Variants in ARMH3 observed in about 807,000 individuals in gnomAD.
The protein encoded by ARMH3 is armadillo-like helical domain-containing protein 3.
A neutral mutation model predicts 99.1 loss-of-function variants in ARMH3; 60 were observed. The observed-to-expected ratio is 0.61, with a 90% CI of 0.49 to 0.75. ARMH3 has a LOEUF of 0.75. ARMH3 is among the 30% of genes least tolerant of loss of function. The probability of loss-of-function intolerance (pLI) is 0.00; values close to 1 mark genes in which losing one functional copy is unlikely to be tolerated. For missense variants in ARMH3, 679 were observed against 843.1 expected (o/e 0.81, Z 2.41); for synonymous variants, 285 against 292.8 (o/e 0.97, Z 0.27).
At chr10:102,051,644 C>A (rs1300332980) in intron 1 of ARMH3, among the ~76,000 whole-genome samples, 1 of 152,132 alleles carries the variant, frequency 6.6e-6, no homozygotes, top group African/African-American at 2.4e-5. Flanking sequence ...ACAATGCTCC[C>A]CTCAGAATGG....
chr10:101,956,670 G>A lies in ARMH3; in HGVS notation c.1632C>T (p.Thr544=), dbSNP rs1343652168. The part of the protein sequence containing the change: ...FITYGDTFLP[T]PSSYDELYYE... ...AGTAAAGTTCATCATAGCTGCTGGG[G>A]GTTGGCAGAAATGTGTCGCCATATG... Residue 544 remains threonine (T), a synonymous_variant, in exon 22 of 26, where the codon ACC becomes ACT. Transcript: ENST00000370033. The A allele has an allele frequency of 1.9e-6, 3 of 1,613,654 alleles. No individual in the cohort carries two copies. The highest frequency in any genetic ancestry group is 1.3e-5 in the African/African-American group (1 of 75,008).
At chr10:102,032,853 T>C in intron 4 of ARMH3, 173 bp downstream of exon 4, 1 of 649,314 alleles carries the variant, frequency 1.5e-6, no homozygotes, top group Non-Finnish European at 2.5e-6. Flanking sequence ...AAGTGTCAAT[T>C]TGTATAAATA....
At chr10:102,021,697 G>A (rs1215805688) in intron 8 of ARMH3, among the ~76,000 whole-genome samples, 1 of 152,040 alleles carries the variant, frequency 6.6e-6, no homozygotes, top group East Asian at 1.9e-4. Flanking sequence ...ACAGGTGCCC[G>A]CCACTACGCC....
chr10:101,870,211 G>A (rs932486059), intron 24 of ARMH3, among the ~76,000 whole-genome samples: 7 of 152,178 alleles, frequency 4.6e-5, no homozygotes, highest in African/African-American at 1.4e-4. Flanking sequence ...GGGATTTCAA[G>A]GAACAGGGAG....
At chr10:101,914,790 T>C (rs1843006786) in intron 23 of ARMH3, among the ~76,000 whole-genome samples, 1 of 136,418 alleles carries the variant, frequency 7.3e-6, no homozygotes, top group Non-Finnish European at 1.5e-5. Flanking sequence ...CGCTTGAACC[T>C]GCGAGGTGGA....
chr10:101,955,295 C>T (rs1337679736), intron 22 of ARMH3, among the ~76,000 whole-genome samples: 1 of 152,180 alleles, frequency 6.6e-6, no homozygotes, highest in Non-Finnish European at 1.5e-5. Flanking sequence ...TTTTAAAAAC[C>T]TGGGTCCTTG....
Position 101,886,954 on chromosome 10 carries a change from T to C in ARMH3, c.1860+2458A>G, listed in dbSNP as rs1037979938. 2.0e-5 allele frequency among the ~76,000 whole-genome samples: 3 copies of C among 152,222 alleles called. No homozygotes were observed. In the East Asian group the frequency reaches 5.8e-4, roughly 29 times the overall value. ...TCTTGACTTTTTTCTCTACTCAGTC[T>C]GCTGCTAACAACTGCAGGGCCCTAC... On this transcript the variant is annotated intron_variant, in intron 24 of 25. Coordinates refer to ENST00000370033, the MANE Select transcript of ARMH3 (RefSeq NM_024541.3).
At chr10:101,968,994 AT>A (rs2135887517) in intron 20 of ARMH3, among the ~76,000 whole-genome samples, 1 of 152,332 alleles carries the variant, frequency 6.6e-6, no homozygotes, top group East Asian at 1.9e-4. Context: ...AGCAGTCTTA[AT>A]TAGGCACATC....
intron 19 of ARMH3, among the ~76,000 whole-genome samples, chr10:101,975,847 G>A (rs1201517985): frequency 2.1e-5 from 3 of 140,914 alleles, no homozygotes; most frequent in Admixed American, 1.5e-4. Flanking sequence ...GCAACAGAGC[G>A]AGATTACATC....
In ARMH3 at chr10:102,014,043, G is replaced by A; in HGVS notation, c.670-19C>T. 1 of 1,596,730 alleles carries A rather than the reference G, an allele frequency of 6.3e-7. No individual in the cohort carries two copies. Among genetic ancestry groups the A allele is most frequent in the African/African-American group, 1.3e-5 (1 of 74,244 alleles). ...TCACAGACTGTTAAATAAGAGAAGA[G>A]ACTCCAGGTAAGTCTGACCTAGTTA... is the stretch of plus-strand genomic sequence containing the variant. On this transcript the variant is annotated intron_variant, in intron 8 of 25. Coordinates refer to ENST00000370033, the MANE Select transcript of ARMH3 (RefSeq NM_024541.3).
chr10:101,887,933 C>T (rs1334771450), intron 24 of ARMH3, among the ~76,000 whole-genome samples: 2 of 151,896 alleles, frequency 1.3e-5, no homozygotes, highest in Admixed American at 6.6e-5. Context: ...TCACAGATTG[C>T]CTTGTGTGCC....
At chr10:102,002,909 C>T (rs755436313) in intron 14 of ARMH3, among the ~76,000 whole-genome samples, 16 of 150,708 alleles carry the variant, frequency 1.1e-4, no homozygotes, top group Non-Finnish European at 2.2e-4. Flanking sequence ...TGTAGTGAGC[C>T]GAGATGGCGC....
At chr10:102,019,355 A>G (rs2066824396) in intron 8 of ARMH3, among the ~76,000 whole-genome samples, 1 of 151,848 alleles carries the variant, frequency 6.6e-6, no homozygotes, top group South Asian at 2.1e-4. Context: ...AGCCTATACT[A>G]TACTTTTTAT....
At position 101,975,211 on chromosome 10, in the gene ARMH3, C is replaced by T; in HGVS notation, c.1495+1G>A. On this transcript the variant is annotated splice_donor_variant, in intron 20 of 25. Transcript: ENST00000370033. LOFTEE classifies it high-confidence loss of function. ...AAGATGAATTCAAGAGAGAAAGTTA[C>T]CTGACCAGAGCTCCCGCCAGGTGTA... 9.3e-6 allele frequency: 15 copies of T among 1,611,522 alleles called. No homozygotes were observed. Among genetic ancestry groups the T allele is most frequent in the Non-Finnish European group, 1.2e-5 (14 of 1,178,362 alleles).
chr10:101,945,869 G>A (rs1332212270), intron 22 of ARMH3, among the ~76,000 whole-genome samples: 2 of 151,640 alleles, frequency 1.3e-5, no homozygotes, highest in Non-Finnish European at 2.9e-5. Flanking sequence ...GATCACCTGA[G>A]GTCAGGAATT....
chr10:102,055,092 C>T (rs1186560300), intron 1 of ARMH3, among the ~76,000 whole-genome samples: 2 of 150,548 alleles, frequency 1.3e-5, no homozygotes, highest in Non-Finnish European at 2.9e-5. Flanking sequence ...GAGGCCGAGG[C>T]GGGCGGATCA....
intron 22 of ARMH3, among the ~76,000 whole-genome samples, chr10:101,953,167 T>C (rs186146506): frequency 1.1e-4 from 16 of 152,336 alleles, no homozygotes; most frequent in Non-Finnish European, 1.8e-4. Flanking sequence ...TACCACTCTG[T>C]CACACAGGCT....
At chr10:101,895,835 C>T (rs1460813580) in intron 23 of ARMH3, among the ~76,000 whole-genome samples, 3 of 152,132 alleles carry the variant, frequency 2.0e-5, no homozygotes, top group Non-Finnish European at 2.9e-5. Context: ...ATAAATTACA[C>T]ACAAATAATA....
At chr10:102,025,328 G>A in intron 5 of ARMH3, 80 bp from the exon 6 acceptor site, 1 of 1,105,062 alleles carries the variant, frequency 9.0e-7, no homozygotes, top group South Asian at 1.3e-5. Flanking sequence ...TGTTATACAG[G>A]GTAATGTGAA....
Sources: gnomAD v4.1 joint callset for allele counts (sites outside exome capture counted in the v4.1 genomes callset) on GRCh38, gnomAD v4.1.1 for gene constraint, MANE v1.5 for transcripts, NCBI Gene and HGNC (gene_info 2026-07-23, HGNC 2026-07-21) for gene names.